Variants in SLC22A24 observed in about 807,000 individuals in gnomAD.
SLC22A24 encodes steroid transmembrane transporter SLC22A24.
In SLC22A24, 53 loss-of-function variants were observed where a neutral mutation model predicts 49.8. The observed-to-expected ratio is 1.06, with a 90% CI of 0.85 to 1.34. The LOEUF (loss-of-function observed/expected upper bound fraction) is 1.34. SLC22A24 is among the 40% of genes most tolerant of loss of function. The pLI is 0.00. For missense variants in SLC22A24, 786 were observed against 675.9 expected (o/e 1.16, Z -1.81); for synonymous variants, 302 against 256.4 (o/e 1.18, Z -1.70).
intron 4 of SLC22A24, among the ~76,000 whole-genome samples, chr11:63,105,299 C>A (rs2087114010): frequency 6.6e-6 from 1 of 152,064 alleles, no homozygotes. Context: ...AGGACAGTGG[C>A]CCCCTTCTCA....
intron 6 of SLC22A24, 104 bp downstream of exon 6, chr11:63,095,887 T>G: frequency 4.9e-6 from 4 of 816,440 alleles, no homozygotes; most frequent in Non-Finnish European, 7.9e-6. Context: ...TTCTCTTCTC[T>G]TATGTATTAA....
chr11:63,087,109 A>G (rs555646680), intron 6 of SLC22A24, among the ~76,000 whole-genome samples: 1 of 151,356 alleles, frequency 6.6e-6, no homozygotes, highest in Non-Finnish European at 1.5e-5. Flanking sequence ...GAAGCAAAGA[A>G]ATAATAAAAA....
chr11:63,120,541 G>A (rs1443675563), intron 2 of SLC22A24, among the ~76,000 whole-genome samples: 1 of 152,112 alleles, frequency 6.6e-6, no homozygotes, highest in African/African-American at 2.4e-5. Flanking sequence ...ACAGAGGAGA[G>A]GATGAGGTAA....
intron 4 of SLC22A24, among the ~76,000 whole-genome samples, chr11:63,110,539 A>G (rs1048294187): frequency 3.9e-5 from 5 of 126,852 alleles, no homozygotes; most frequent in African/African-American, 1.4e-4. Flanking sequence ...AGTGGTTTGT[A>G]GTTCTCCTTG....
In SLC22A24 at chr11:63,139,197, A is replaced by T. The variant is rs116155468; in HGVS notation, c.402+4181T>A. On this transcript the variant is annotated intron_variant, in intron 1 of 9. Transcript: ENST00000612278. ...TTTCTCCATTTTTTTTTGTCTTGCCACTCTTAATGCACACACGAGGGGCCC... is the reference window on the plus strand; with the variant it reads ...TTTCTCCATTTTTTTTTGTCTTGCCTCTCTTAATGCACACACGAGGGGCCC... Among the ~76,000 whole-genome samples, 511 of 151,490 alleles carry T rather than the reference A, an allele frequency of 3.4e-3. 2 individuals carry two copies. The highest frequency in any genetic ancestry group is 0.012 in the African/African-American group (494 of 41,302).
intron 6 of SLC22A24, among the ~76,000 whole-genome samples, chr11:63,087,559 T>C (rs7927104): frequency 0.52 from 79,335 of 151,942 alleles, 20,799 homozygotes; most frequent in African/African-American, 0.55. Context: ...GCCTGGAACC[T>C]TAGCAAGACA....
At position 63,106,430 on chromosome 11, in the gene SLC22A24, T is replaced by C. The variant is rs552617012; in HGVS notation, c.831-2132A>G. ...GTCTTTATAGCAGCATGATTTATAA[T>C]CCTTTGGGTACATACCCAGTAATGG... On this transcript the variant is annotated intron_variant, in intron 4 of 9. Coordinates refer to ENST00000612278, the MANE Select transcript of SLC22A24 (RefSeq NM_001136506.2). Among the ~76,000 whole-genome samples the C allele has an allele frequency of 2.6e-5, 4 of 152,284 alleles. No homozygotes were observed. The East Asian group carries it at 5.8e-4, about 22-fold the overall frequency.
chr11:63,119,407 C>G (rs954602383), intron 2 of SLC22A24, 72 bp from the exon 3 acceptor site: 1 of 1,346,784 alleles, frequency 7.4e-7, no homozygotes. Flanking sequence ...CAAACAATGG[C>G]GCATCTTGAA....
chr11:63,085,839 C>T (rs2086984164), intron 6 of SLC22A24, among the ~76,000 whole-genome samples: 1 of 152,160 alleles, frequency 6.6e-6, no homozygotes, highest in South Asian at 2.1e-4. Context: ...TGATTATTCT[C>T]CCTGCAAACA....
At chr11:63,123,547 C>T (rs1396571599) in intron 2 of SLC22A24, among the ~76,000 whole-genome samples, 1 of 152,190 alleles carries the variant, frequency 6.6e-6, no homozygotes, top group Non-Finnish European at 1.5e-5. Context: ...ACTCCATATG[C>T]ATGTCTAATA....
At chr11:63,129,809 A>G (rs1468044255) in intron 2 of SLC22A24, among the ~76,000 whole-genome samples, 3 of 151,948 alleles carry the variant, frequency 2.0e-5, no homozygotes, top group Non-Finnish European at 4.4e-5. Context: ...AATGCTTGTG[A>G]TTTTTCCACA....
Position 63,090,663 on chromosome 11 carries a change from C to CAATA in SLC22A24, c.1070+5324_1070+5327dup, listed in dbSNP as rs58585722. On this transcript the variant is annotated intron_variant, in intron 6 of 9. Transcript: ENST00000612278. ...GTTCTTTGCCCCAGAACTTAAAGTACAATAAATAAATAAATAAATAAATAA... is the reference window on the plus strand; with the variant it reads ...GTTCTTTGCCCCAGAACTTAAAGTACAATAAATAAATAAATAAATAAATAAATAA... 4.8e-3 allele frequency among the ~76,000 whole-genome samples: 666 copies of CAATA among 138,024 alleles called. 4 individuals carry two copies. The highest frequency in any genetic ancestry group is 0.014 in the African/African-American group (529 of 37,634). 90.5% of individuals were successfully genotyped at this position (138,024 alleles called of 152,430 possible). A position where few individuals can be genotyped will look rare whatever the true frequency, so the allele number is the denominator to read the frequency against.
intron 5 of SLC22A24, among the ~76,000 whole-genome samples, chr11:63,100,510 T>C (rs1590733965): frequency 6.6e-6 from 1 of 152,128 alleles, no homozygotes; most frequent in Admixed American, 6.6e-5. Flanking sequence ...ATTCTACAGA[T>C]ACAATGCAAT....
chr11:63,084,938 ATTT>A (rs35160977), intron 6 of SLC22A24, among the ~76,000 whole-genome samples: 1 of 146,544 alleles, frequency 6.8e-6, no homozygotes, highest in Non-Finnish European at 1.5e-5. Context: ...AGAGGATGGG[ATTT>A]TTTTTTTTTT....
chr11:63,123,370 T>C (rs1459615160), intron 2 of SLC22A24, among the ~76,000 whole-genome samples: 2 of 152,206 alleles, frequency 1.3e-5, no homozygotes, highest in South Asian at 2.1e-4. Flanking sequence ...AGACAGAGTT[T>C]AATCTACTTG....
At chr11:63,118,693 G>C (rs1183711871) in intron 4 of SLC22A24, 3 of 537,368 alleles carry the variant, frequency 5.6e-6, no homozygotes, top group Non-Finnish European at 9.9e-6. Context: ...ATAATTTCAT[G>C]ATAATTCCAT....
At chr11:63,083,503 G>C (rs1854137798) in intron 6 of SLC22A24, 46 bp from the exon 7 acceptor site, 2 of 1,438,704 alleles carry the variant, frequency 1.4e-6, no homozygotes, top group Middle Eastern at 1.8e-4. Flanking sequence ...AAGATTTAAA[G>C]CCTAGGAAAC....
At chr11:63,129,664 T>G (rs1477029113) in intron 2 of SLC22A24, among the ~76,000 whole-genome samples, 1 of 152,192 alleles carries the variant, frequency 6.6e-6, no homozygotes, top group African/African-American at 2.4e-5. Flanking sequence ...GAGCAGTGGT[T>G]TGTAGTTTTC....
chr11:63,100,844 A>G (rs916410017), intron 5 of SLC22A24, among the ~76,000 whole-genome samples: 1 of 152,174 alleles, frequency 6.6e-6, no homozygotes, highest in African/African-American at 2.4e-5. Context: ...AAAACTGGAT[A>G]TCCATTTGCA....
Sources: allele counts gnomAD v4.1 joint callset (sites outside exome capture counted in the v4.1 genomes callset), GRCh38; gene constraint gnomAD v4.1.1; transcripts MANE v1.5; gene names NCBI Gene and HGNC (gene_info 2026-07-23, HGNC 2026-07-21).